TPST1: variants seen among roughly 807,000 people sequenced by gnomAD.
TPST1 encodes tyrosylprotein sulfotransferase 1.
TPST1 carries 20 observed loss-of-function variants against 34.8 expected under a neutral mutation model. The ratio of observed to expected loss-of-function variants is 0.57; its 90% CI spans 0.40 to 0.84. The LOEUF is 0.84. Among genes scored for constraint, TPST1 ranks in the 40% least tolerant of loss-of-function variants. The pLI is 0.00. For synonymous variants in TPST1, 152 were observed against 159.4 expected (o/e 0.95, Z 0.35); for missense variants, 353 against 455.5 (o/e 0.78, Z 2.05).
intron 2 of TPST1, among the ~76,000 whole-genome samples, chr7:66,248,670 ATT>A (rs986582956): frequency 6.7e-6 from 1 of 150,048 alleles, no homozygotes; most frequent in Non-Finnish European, 1.5e-5. Context: ...CACCCAGCTA[ATT>A]TTTTTTTTGT....
chr7:66,262,094 G>A lies in TPST1; in HGVS notation c.845+20824G>A, dbSNP rs566696676. On this transcript the variant is annotated intron_variant, in intron 2 of 5. Transcript: ENST00000304842. ...GAGTAATAGTATTGCTGTCCACCTG[G>A]TCAATGTGTCCTGCTGATAAGTGCT... 1.1e-4 allele frequency among the ~76,000 whole-genome samples: 16 copies of A among 152,246 alleles called. No homozygotes were observed. In the South Asian group the frequency reaches 3.3e-3, roughly 32 times the overall value.
chr7:66,204,428 C>G (rs1339355206), upstream of TPST1, among the ~76,000 whole-genome samples: 2 of 152,184 alleles, frequency 1.3e-5, no homozygotes, highest in African/African-American at 4.8e-5. Flanking sequence ...GTTGGCCAGG[C>G]TGGTCTCGAA....
At chr7:66,236,569 A>C (rs1322146222) in intron 1 of TPST1, among the ~76,000 whole-genome samples, 1 of 152,054 alleles carries the variant, frequency 6.6e-6, no homozygotes, top group African/African-American at 2.4e-5. Flanking sequence ...GAACCAATGT[A>C]CTTCTTACAT....
intron 2 of TPST1, among the ~76,000 whole-genome samples, chr7:66,281,087 A>G (rs764801452): frequency 6.6e-6 from 1 of 152,132 alleles, no homozygotes; most frequent in African/African-American, 2.4e-5. Flanking sequence ...CGAGATGATC[A>G]TGTAGTTTTT....
intron 2 of TPST1, among the ~76,000 whole-genome samples, chr7:66,272,058 A>G (rs1790715279): frequency 1.3e-5 from 2 of 152,164 alleles, no homozygotes. Context: ...ATACTTTTAC[A>G]AGTCATTTTT....
At chr7:66,244,396 A>G (rs1790106195) in intron 2 of TPST1, among the ~76,000 whole-genome samples, 1 of 152,220 alleles carries the variant, frequency 6.6e-6, no homozygotes, top group Non-Finnish European at 1.5e-5. Context: ...AAATAGAGAT[A>G]TCAGGAGACC....
At chr7:66,232,936 A>G (rs1417113017) in intron 1 of TPST1, among the ~76,000 whole-genome samples, 1 of 151,940 alleles carries the variant, frequency 6.6e-6, no homozygotes, top group Non-Finnish European at 1.5e-5. Context: ...TGTGATTTTG[A>G]TTTGTATTTT....
At chr7:66,303,640 C>T (rs1791363148) in intron 3 of TPST1, among the ~76,000 whole-genome samples, 2 of 152,204 alleles carry the variant, frequency 1.3e-5, no homozygotes, top group Admixed American at 6.5e-5. Context: ...AAGCTGCTGA[C>T]CTCAGGCGAT....
intron 3 of TPST1, among the ~76,000 whole-genome samples, chr7:66,331,267 A>G (rs1481718667): frequency 6.6e-6 from 1 of 152,214 alleles, no homozygotes; most frequent in African/African-American, 2.4e-5. Flanking sequence ...TCTCAGAAGT[A>G]ACATCCCATC....
intron 2 of TPST1, among the ~76,000 whole-genome samples, chr7:66,255,863 G>A (rs1790373169): frequency 6.6e-6 from 1 of 151,822 alleles, no homozygotes; most frequent in Non-Finnish European, 1.5e-5. Context: ...AAACCAACTA[G>A]ATTTAAGTAA....
intron 3 of TPST1, among the ~76,000 whole-genome samples, chr7:66,321,757 T>C (rs1791762284): frequency 6.6e-6 from 1 of 152,246 alleles, no homozygotes; most frequent in South Asian, 2.1e-4. Flanking sequence ...TACAGTTTAA[T>C]CTTCTAAAAT....
At chr7:66,241,891 G>A (rs113968588) in intron 2 of TPST1, among the ~76,000 whole-genome samples, 3 of 152,182 alleles carry the variant, frequency 2.0e-5, no homozygotes, top group African/African-American at 7.2e-5. Flanking sequence ...CAATGAGGTC[G>A]TGCTTTTCTC....
chr7:66,270,150 G>C (rs1790677453), intron 2 of TPST1, among the ~76,000 whole-genome samples: 1 of 152,062 alleles, frequency 6.6e-6, no homozygotes, highest in Non-Finnish European at 1.5e-5. Context: ...CAGGCAGAGA[G>C]AAGAGTCACA....
chr7:66,223,671 G>A (rs1789591971), intron 1 of TPST1, among the ~76,000 whole-genome samples: 2 of 151,996 alleles, frequency 1.3e-5, no homozygotes, highest in Admixed American at 1.3e-4. Context: ...TGAGAAGTTT[G>A]GAACTTGGTA....
intron 1 of TPST1, 90 bp from the exon 2 acceptor site, chr7:66,240,235 T>C: frequency 1.4e-6 from 1 of 711,792 alleles, no homozygotes; most frequent in South Asian, 2.0e-5. Context: ...TTTCAGCTTC[T>C]TTCTACCTAA....
intron 2 of TPST1, among the ~76,000 whole-genome samples, chr7:66,275,572 C>T (rs1404967573): frequency 6.6e-6 from 1 of 152,158 alleles, no homozygotes; most frequent in Non-Finnish European, 1.5e-5. Flanking sequence ...TCATTTGCAA[C>T]ATCGTTAATA....
intron 2 of TPST1, among the ~76,000 whole-genome samples, chr7:66,274,718 T>A (rs1325092758): frequency 6.6e-6 from 1 of 151,998 alleles, no homozygotes; most frequent in Non-Finnish European, 1.5e-5. Flanking sequence ...CCAAAATATA[T>A]AAGGAACTCA....
chr7:66,245,846 TCAGTCTGAAATATCC>T (rs1451879550), intron 2 of TPST1, among the ~76,000 whole-genome samples: 1 of 152,174 alleles, frequency 6.6e-6, no homozygotes, highest in Non-Finnish European at 1.5e-5. Context: ...CTCTACTAGC[TCAGTCTGAAATATCC>T]CAGAAGAATT....
At chr7:66,203,554 T>C (rs1297706636), upstream of TPST1, among the ~76,000 whole-genome samples, 1 of 151,810 alleles carries the variant, frequency 6.6e-6, no homozygotes, top group South Asian at 2.1e-4. Context: ...GGCACAATCT[T>C]GGCTCACTGC....
Sources: allele counts gnomAD v4.1 joint callset (sites outside exome capture counted in the v4.1 genomes callset), GRCh38; gene constraint gnomAD v4.1.1; transcripts MANE v1.5; gene names NCBI Gene and HGNC (gene_info 2026-07-23, HGNC 2026-07-21).